LRRC18: variants seen among roughly 807,000 people sequenced by gnomAD.
The protein encoded by LRRC18 is leucine-rich repeat-containing protein 18.
In LRRC18, 12 loss-of-function variants were observed where a neutral mutation model predicts 11.2. That is an observed-to-expected ratio of 1.07 (90% confidence interval 0.69 to 1.74). The LOEUF (loss-of-function observed/expected upper bound fraction) is 1.74, where lower values mean the gene tolerates loss of function less well. LRRC18 is among the 40% of genes most tolerant of loss of function. LRRC18 has a pLI of 0.00. For missense variants in LRRC18, 374 were observed against 330.5 expected (o/e 1.13, Z -1.02); for synonymous variants, 155 against 130.6 (o/e 1.19, Z -1.27).
chr10:48,928,353 CGTGTGTGTGTGTGTGT>C, the LRRC18 span, among the ~76,000 whole-genome samples: 43 of 125,040 alleles, frequency 3.4e-4, 1 homozygote, highest in South Asian at 1.9e-3. Context: ...TTGGTTTTGA[CGTGTGTGTGTGTGTGT>C]GTGTGTGTGT....
exon 2 of LRRC18, chr10:48,910,215 T>C: frequency 6.2e-7 from 1 of 1,601,336 alleles, no homozygotes; most frequent in Non-Finnish European, 8.6e-7. Context: ...TGAGTAGTCT[T>C]CAAGATTTTG....
chr10:48,927,458 C>A, the LRRC18 span, among the ~76,000 whole-genome samples: 4 of 152,158 alleles, frequency 2.6e-5, no homozygotes, highest in African/African-American at 9.7e-5. Flanking sequence ...GCGTTCTTCC[C>A]ATTACGTCAA....
chr10:48,913,377 C>G lies in LRRC18; in HGVS notation c.764+15G>C, dbSNP rs768972424. The G allele has an allele frequency of 3.7e-5, 60 of 1,603,678 alleles. No individual in the cohort carries two copies. The highest frequency in any genetic ancestry group is 4.8e-5 in the Non-Finnish European group (57 of 1,176,140). ...CTCTCTTTCCCTTCTGCCTCAGGGT[C>G]AGGTTCCAAGTCACCTCCAGTCTTC... On this transcript the variant is annotated intron_variant, in intron 1 of 1. Coordinates refer to ENST00000374160, the Ensembl canonical transcript of LRRC18.
At chr10:48,939,354 C>A in the LRRC18 span, among the ~76,000 whole-genome samples, 1 of 152,214 alleles carries the variant, frequency 6.6e-6, no homozygotes, top group African/African-American at 2.4e-5. Context: ...CTCTCCCACA[C>A]CCCTGTGTGA....
chr10:48,928,075 G>A, the LRRC18 span, among the ~76,000 whole-genome samples: 1 of 152,168 alleles, frequency 6.6e-6, no homozygotes, highest in Non-Finnish European at 1.5e-5. Flanking sequence ...TTTAAGCGCT[G>A]CTATTGCCAG....
chr10:48,936,016 GA>G, the LRRC18 span, among the ~76,000 whole-genome samples: 1 of 151,558 alleles, frequency 6.6e-6, no homozygotes, highest in South Asian at 2.1e-4. Context: ...AAAAAAATTT[GA>G]AAATGTATAT....
chr10:48,932,815 C>G, the LRRC18 span, among the ~76,000 whole-genome samples: 1 of 152,092 alleles, frequency 6.6e-6, no homozygotes, highest in African/African-American at 2.4e-5. Flanking sequence ...TGGGGAGGTC[C>G]TTTCTGAGAA....
the LRRC18 span, among the ~76,000 whole-genome samples, chr10:48,937,295 C>T: frequency 1.3e-5 from 2 of 152,300 alleles, no homozygotes; most frequent in Non-Finnish European, 2.9e-5. Flanking sequence ...ATCATGCTGC[C>T]AAATATATGC....
exon 1 of LRRC18, chr10:48,914,050 T>G: frequency 6.2e-7 from 1 of 1,614,230 alleles, no homozygotes; most frequent in African/African-American, 1.3e-5. Flanking sequence ...ATTCCCATCT[T>G]GCTCAAGTCA....
At chr10:48,918,475 A>T (rs1838752825), upstream of LRRC18, among the ~76,000 whole-genome samples, 1 of 152,224 alleles carries the variant, frequency 6.6e-6, no homozygotes, top group African/African-American at 2.4e-5. Flanking sequence ...ATTTACAGGA[A>T]GTAAGACCAT....
chr10:48,910,198 T>G, exon 2 of LRRC18: 2 of 1,469,610 alleles, frequency 1.4e-6, no homozygotes, highest in Non-Finnish European at 9.5e-7. Flanking sequence ...TCGTTTATTC[T>G]GTTAGCTGAG....
the LRRC18 span, among the ~76,000 whole-genome samples, chr10:48,922,083 G>A: frequency 6.6e-6 from 1 of 152,104 alleles, no homozygotes; most frequent in African/African-American, 2.4e-5. Flanking sequence ...TTCAATGGGT[G>A]GATTCCTAAT....
At chr10:48,919,208 A>G (rs1412290924), upstream of LRRC18, among the ~76,000 whole-genome samples, 4 of 152,176 alleles carry the variant, frequency 2.6e-5, no homozygotes, top group Non-Finnish European at 1.5e-5. Context: ...CAAATTACAC[A>G]TATCAGGAGT....
chr10:48,936,319 G>A, the LRRC18 span, among the ~76,000 whole-genome samples: 1 of 151,824 alleles, frequency 6.6e-6, no homozygotes, highest in African/African-American at 2.4e-5. Flanking sequence ...ACAGCAAATG[G>A]ATTAAATAAA....
chr10:48,920,538 A>ATT, the LRRC18 span, among the ~76,000 whole-genome samples: 2 of 151,818 alleles, frequency 1.3e-5, no homozygotes, highest in Admixed American at 1.3e-4. Context: ...GAAAAAAAAG[A>ATT]AAAAAAAAGC....
the LRRC18 span, among the ~76,000 whole-genome samples, chr10:48,919,533 T>A: frequency 1.3e-5 from 2 of 152,208 alleles, no homozygotes; most frequent in Admixed American, 6.5e-5. Context: ...GCAACATAAA[T>A]TTATCTCTCA....
chr10:48,925,301 G>A, the LRRC18 span, among the ~76,000 whole-genome samples: 21 of 152,296 alleles, frequency 1.4e-4, no homozygotes, highest in South Asian at 3.9e-3. Context: ...GAGAGGCGGG[G>A]CTGTATCTTC....
chr10:48,914,852 C>T (rs1838361391), upstream of LRRC18, among the ~76,000 whole-genome samples: 1 of 152,192 alleles, frequency 6.6e-6, no homozygotes, highest in South Asian at 2.1e-4. Flanking sequence ...CCATAACTCC[C>T]CATCATGAGC....
the LRRC18 span, among the ~76,000 whole-genome samples, chr10:48,920,683 T>C: frequency 2.0e-5 from 3 of 152,066 alleles, no homozygotes; most frequent in African/African-American, 7.2e-5. Context: ...ATGCAAAAAA[T>C]AAAGGCATAC....
Sources: gnomAD v4.1 joint callset for allele counts (sites outside exome capture counted in the v4.1 genomes callset) on GRCh38, gnomAD v4.1.1 for gene constraint, MANE v1.5 for transcripts, NCBI Gene and HGNC (gene_info 2026-07-23, HGNC 2026-07-21) for gene names.